The following ST18 variants were observed in gnomAD, a reference collection of about 807,000 sequenced individuals.
The protein encoded by ST18 is suppression of tumorigenicity 18 protein.
In ST18, 50 loss-of-function variants were observed where a neutral mutation model predicts 110.0. The ratio of observed to expected loss-of-function variants is 0.45; its 90% CI spans 0.36 to 0.58. ST18 has a LOEUF of 0.58. Ranked by LOEUF, ST18 falls within the 20% of genes least tolerant of loss-of-function variation. ST18 has a pLI of 0.00. For missense variants in ST18, 1,306 were observed against 1,280.1 expected, an observed-to-expected ratio of 1.02 and a Z score of -0.31; for synonymous variants, 461 against 452.4, an observed-to-expected ratio of 1.02 and a Z score of -0.24.
chr8:52,197,375 T>C (rs1564001413), intron 8 of ST18, among the ~76,000 whole-genome samples: 1 of 152,210 alleles, frequency 6.6e-6, no homozygotes, highest in Non-Finnish European at 1.5e-5. Context: ...TTTACGTTTG[T>C]GAAGCAGGCA....
intron 2 of ST18, among the ~76,000 whole-genome samples, chr8:52,271,971 G>C (rs1388886686): frequency 6.6e-6 from 1 of 152,174 alleles, no homozygotes; most frequent in East Asian, 1.9e-4. Flanking sequence ...TCAGAGGAGT[G>C]GTTCATAAAA....
chr8:52,277,235 A>ATCACATCCACTCCTGCTCATC (rs1042109575), intron 2 of ST18, among the ~76,000 whole-genome samples: 1 of 152,062 alleles, frequency 6.6e-6, no homozygotes, highest in Non-Finnish European at 1.5e-5. Context: ...ACTTGTCACC[A>ATCACATCCACTCCTGCTCATC]TCACATCCAC....
At chr8:52,288,822 A>G (rs930499968) in intron 2 of ST18, among the ~76,000 whole-genome samples, 1 of 152,232 alleles carries the variant, frequency 6.6e-6, no homozygotes, top group Non-Finnish European at 1.5e-5. Flanking sequence ...AATATTGACT[A>G]GAGCAGATTC....
intron 22 of ST18, 130 bp downstream of exon 22, chr8:52,131,828 C>T: frequency 4.1e-6 from 3 of 726,882 alleles, no homozygotes; most frequent in Non-Finnish European, 6.8e-6. Flanking sequence ...TACAGCAAGA[C>T]TTCATGTTAT....
At chr8:52,113,428 G>T in intron 25 of ST18, 90 bp from the exon 26 acceptor site, 1 of 1,507,064 alleles carries the variant, frequency 6.6e-7, no homozygotes. Flanking sequence ...CAGTGATCCG[G>T]GAGTCGGGAG....
intron 2 of ST18, among the ~76,000 whole-genome samples, chr8:52,338,544 C>A (rs2140163995): frequency 6.6e-6 from 1 of 152,220 alleles, no homozygotes; most frequent in Admixed American, 6.5e-5. Flanking sequence ...CCACCTCAGC[C>A]TCCAGAGTAG....
intron 6 of ST18, among the ~76,000 whole-genome samples, chr8:52,215,050 A>T (rs1564113224): frequency 6.6e-6 from 1 of 152,194 alleles, no homozygotes; most frequent in Non-Finnish European, 1.5e-5. Flanking sequence ...CATTATCAGG[A>T]GGAATTCTTA....
chr8:52,275,516 T>C (rs2095215590), intron 2 of ST18, among the ~76,000 whole-genome samples: 1 of 152,220 alleles, frequency 6.6e-6, no homozygotes, highest in South Asian at 2.1e-4. Flanking sequence ...AATCATTTCT[T>C]CATTATGAAA....
At chr8:52,388,762 A>T (rs1011563804) in intron 2 of ST18, among the ~76,000 whole-genome samples, 1 of 145,206 alleles carries the variant, frequency 6.9e-6, no homozygotes, top group African/African-American at 2.6e-5. Flanking sequence ...GAGGATAAAG[A>T]ACAAGCAACA....
chr8:52,385,465 T>C (rs1220408560), intron 2 of ST18, among the ~76,000 whole-genome samples: 1 of 152,064 alleles, frequency 6.6e-6, no homozygotes, highest in African/African-American at 2.4e-5. Flanking sequence ...CTGGGCGTGA[T>C]GGCAGGAGCC....
In ST18 at chr8:52,160,391, A is replaced by C. The variant is rs146480409; in HGVS notation, c.1594+984T>G. ...AGGCAAATTCCTTTCAAGTCTGTTT[A>C]CTACTGGGTTTTACACGAAATTCTA... On this transcript the variant is annotated intron_variant, in intron 14 of 25. Coordinates refer to ENST00000689386, the MANE Select transcript of ST18 (RefSeq NM_001352837.2). Among the ~76,000 whole-genome samples the C allele has an allele frequency of 3.5e-3, 531 of 152,326 alleles. 5 individuals are homozygous for C. The highest frequency in any genetic ancestry group is 0.012 in the African/African-American group (511 of 41,574).
At chr8:52,315,272 T>C (rs988919289) in intron 2 of ST18, among the ~76,000 whole-genome samples, 3 of 152,172 alleles carry the variant, frequency 2.0e-5, no homozygotes, top group African/African-American at 7.2e-5. Context: ...TGGTATAAAA[T>C]AGAAGAGGCT....
chr8:52,251,282 T>A (rs561402182), intron 2 of ST18, among the ~76,000 whole-genome samples: 3 of 152,260 alleles, frequency 2.0e-5, no homozygotes, highest in South Asian at 4.1e-4. Flanking sequence ...ACCTCAATAT[T>A]TCAACAAATG....
chr8:52,303,627 G>A (rs2095765437), intron 2 of ST18, among the ~76,000 whole-genome samples: 1 of 152,148 alleles, frequency 6.6e-6, no homozygotes, highest in Non-Finnish European at 1.5e-5. Flanking sequence ...TCAATGAAGA[G>A]GAGGTAACAT....
Position 52,264,916 on chromosome 8 carries a change from T to C in ST18, c.-464-34839A>G, listed in dbSNP as rs148913542. Among the ~76,000 whole-genome samples the C allele has an allele frequency of 3.1e-3, 467 of 152,328 alleles. 1 individual carries two copies. The highest frequency in any genetic ancestry group is 5.1e-3 in the Non-Finnish European group (348 of 68,030). ...TTGTTTGTTTTCTGGAAAACGTTTC[T>C]TCCACCTGGTCCCAAATACTCCTCT... On this transcript the variant is annotated intron_variant, in intron 2 of 25. Transcript: ENST00000689386.
chr8:52,151,930 T>C (rs947567461), intron 15 of ST18, among the ~76,000 whole-genome samples: 1 of 152,226 alleles, frequency 6.6e-6, no homozygotes, highest in African/African-American at 2.4e-5. Context: ...AGATTCGATT[T>C]CTCTGAAAAA....
At chr8:52,328,694 A>G (rs890720762) in intron 2 of ST18, among the ~76,000 whole-genome samples, 1 of 152,214 alleles carries the variant, frequency 6.6e-6, no homozygotes, top group Non-Finnish European at 1.5e-5. Flanking sequence ...GACTTCATAT[A>G]TTTGTAAAAA....
intron 17 of ST18, among the ~76,000 whole-genome samples, chr8:52,138,512 A>G (rs181874071): frequency 6.6e-6 from 1 of 152,206 alleles, no homozygotes; most frequent in African/African-American, 2.4e-5. Context: ...TGAGCCTAGG[A>G]GTTCGAGCCT....
chr8:52,191,983 G>A (rs975664380), intron 8 of ST18, among the ~76,000 whole-genome samples: 1 of 152,158 alleles, frequency 6.6e-6, no homozygotes, highest in Non-Finnish European at 1.5e-5. Flanking sequence ...ATTTACCAGA[G>A]GAGGCATTAA....
Sources: gnomAD v4.1 joint callset for allele counts (sites outside exome capture counted in the v4.1 genomes callset) on GRCh38, gnomAD v4.1.1 for gene constraint, MANE v1.5 for transcripts, NCBI Gene and HGNC (gene_info 2026-07-23, HGNC 2026-07-21) for gene names.